Variants in MAMLD1 observed in about 807,000 individuals in gnomAD.
MAMLD1 encodes the protein mastermind-like domain-containing protein 1.
Under a neutral mutation model 45.0 loss-of-function variants are expected in MAMLD1, and 14 were observed. The observed-to-expected ratio is 0.31, with a 90% CI of 0.21 to 0.49. The LOEUF is 0.49. Ranked by LOEUF, MAMLD1 falls within the 20% of genes least tolerant of loss-of-function variation. MAMLD1 has a pLI of 0.99. For synonymous variants in MAMLD1, 254 were observed against 247.8 expected (o/e 1.02, Z -0.24); for missense variants, 543 against 603.6 (o/e 0.90, Z 1.05).
chrX:150,471,104 A>G lies in MAMLD1; in HGVS notation c.1531A>G (p.Ser511Gly), dbSNP rs1557406486. 1 of 1,208,646 alleles carries G rather than the reference A, an allele frequency of 8.3e-7. No individual in the cohort carries two copies. Among genetic ancestry groups the G allele is most frequent in the Non-Finnish European group, 1.1e-6 (1 of 894,891 alleles). Residue 511 changes from serine (S) to glycine (G), a missense_variant, in exon 4 of 8, where the codon AGC becomes GGC. Ser to Gly is a moderately conservative substitution (Grantham distance 56). Coordinates refer to ENST00000370401, the MANE Select transcript of MAMLD1 (RefSeq NM_005491.5). The part of the protein sequence containing the change: ...QQANVIFKPI[S>G]SNSSKTLSMI... ...AGCAAATGTGATCTTTAAGCCCATA[A>G]GCAGCAACTCATCCAAAACCCTGAG... is the stretch of plus-strand genomic sequence containing the variant.
chrX:150,411,547 T>C (rs1187891138), intron 1 of MAMLD1, among the ~76,000 whole-genome samples: 4 of 112,337 alleles, frequency 3.6e-5, no homozygotes, highest in African/African-American at 1.3e-4. Flanking sequence ...GCCTTTGGTA[T>C]GCACAATGCC....
intron 1 of MAMLD1, among the ~76,000 whole-genome samples, chrX:150,434,044 C>G (rs782292123): frequency 9.0e-6 from 1 of 111,311 alleles, no homozygotes; most frequent in South Asian, 3.8e-4. Context: ...GGGCTTTTTT[C>G]TGGTTGGTAG....
intron 1 of MAMLD1, among the ~76,000 whole-genome samples, chrX:150,366,364 C>T (rs1193389743): frequency 8.9e-6 from 1 of 112,048 alleles, no homozygotes; most frequent in Non-Finnish European, 1.9e-5. Context: ...ATCCCAAATG[C>T]GCGCATACAC....
intron 6 of MAMLD1, among the ~76,000 whole-genome samples, chrX:150,508,510 G>C (rs1294206009): frequency 1.8e-5 from 2 of 112,281 alleles, no homozygotes; most frequent in Admixed American, 1.9e-4. Flanking sequence ...GGGCGGGATA[G>C]AAAAGCAAAC....
intron 5 of MAMLD1, among the ~76,000 whole-genome samples, chrX:150,492,418 G>A (rs1305061527): frequency 1.8e-5 from 2 of 112,447 alleles, no homozygotes; most frequent in East Asian, 2.8e-4. Flanking sequence ...CTTCCCTTTC[G>A]TGAAATTTGC....
chrX:150,428,000 G>A (rs1207529639), intron 1 of MAMLD1, among the ~76,000 whole-genome samples: 2 of 111,204 alleles, frequency 1.8e-5, no homozygotes, highest in Non-Finnish European at 1.9e-5. Flanking sequence ...AGGGTCCATG[G>A]TCTGGGAGCT....
intron 1 of MAMLD1, among the ~76,000 whole-genome samples, chrX:150,399,191 C>T (rs782755034): frequency 3.4e-4 from 38 of 111,367 alleles, no homozygotes; most frequent in African/African-American, 1.2e-3. Flanking sequence ...TGGCAGGAGT[C>T]CAGGGAAGAG....
At chrX:150,454,731 A>G (rs781966709) in intron 2 of MAMLD1, among the ~76,000 whole-genome samples, 2 of 110,893 alleles carry the variant, frequency 1.8e-5, no homozygotes, top group Admixed American at 1.9e-4. Flanking sequence ...CATCACCACC[A>G]TCACTATTGC....
intron 2 of MAMLD1, among the ~76,000 whole-genome samples, chrX:150,459,445 A>G (rs1557405500): frequency 9.2e-6 from 1 of 109,204 alleles, no homozygotes; most frequent in Non-Finnish European, 1.9e-5. Flanking sequence ...CCATTGCCCT[A>G]TCATCTGAAT....
At chrX:150,399,718 C>T (rs58260702) in intron 1 of MAMLD1, among the ~76,000 whole-genome samples, 1 of 111,578 alleles carries the variant, frequency 9.0e-6, no homozygotes, top group African/African-American at 3.3e-5. Context: ...GCATGGAGGC[C>T]TCAGAGCCTC....
intron 2 of MAMLD1, 92 bp from the exon 3 acceptor site, chrX:150,462,680 G>A (rs1174570494): frequency 1.6e-6 from 1 of 611,023 alleles, no homozygotes; most frequent in Non-Finnish European, 2.9e-6. Context: ...TCAAGTAACA[G>A]TCTGATCTGT....
chrX:150,403,642 A>G (rs1223607952), intron 1 of MAMLD1, among the ~76,000 whole-genome samples: 1 of 109,717 alleles, frequency 9.1e-6, no homozygotes, highest in African/African-American at 3.3e-5. Flanking sequence ...ATTTGCCAAC[A>G]TGGAAAGATG....
At chrX:150,366,388 A>G (rs1213358532) in intron 1 of MAMLD1, among the ~76,000 whole-genome samples, 1 of 111,936 alleles carries the variant, frequency 8.9e-6, no homozygotes, top group African/African-American at 3.3e-5. Flanking sequence ...TCCCAACTGC[A>G]TCTAAAACCA....
chrX:150,448,757 G>A (rs1384344948), intron 2 of MAMLD1, among the ~76,000 whole-genome samples: 2 of 111,845 alleles, frequency 1.8e-5, no homozygotes, highest in Non-Finnish European at 3.8e-5. Flanking sequence ...AGATCAGTAG[G>A]TCAAAGGATT....
intron 2 of MAMLD1, among the ~76,000 whole-genome samples, chrX:150,452,281 G>T (rs868969530): frequency 3.6e-5 from 4 of 111,996 alleles, no homozygotes; most frequent in African/African-American, 1.3e-4. Context: ...ATTCACATCC[G>T]CAGATGCCAG....
At position 150,512,693 on chromosome X, in the gene MAMLD1, G is replaced by A. The variant is rs1557409260; in HGVS notation, c.*734G>A. ...CACCAAGTTCCTCCAGCAGGGTATG[G>A]CCAGCTTTAGTCCCCTGAGCCCCAT... is the stretch of plus-strand genomic sequence containing the variant. On this transcript the variant is annotated 3_prime_UTR_variant, in exon 8 of 8. Coordinates refer to ENST00000370401, the MANE Select transcript of MAMLD1 (RefSeq NM_005491.5). The A allele has an allele frequency of 2.6e-6, 3 of 1,152,201 alleles. No homozygotes were observed. Among genetic ancestry groups the A allele is most frequent in the Non-Finnish European group, 3.4e-6 (3 of 870,331 alleles). The allele number at this position is 1,152,201 out of a possible 1,213,427, so 95.0% of individuals were successfully genotyped here. A position where few individuals can be genotyped will look rare whatever the true frequency, so the allele number is the denominator to read the frequency against.
At chrX:150,466,330 A>G (rs782380625) in intron 3 of MAMLD1, among the ~76,000 whole-genome samples, 43 of 112,745 alleles carry the variant, frequency 3.8e-4, no homozygotes, top group African/African-American at 1.4e-3. Context: ...CAGCCAGGGC[A>G]CTTCAGGCTC....
At chrX:150,493,873 C>G (rs1377535254) in intron 5 of MAMLD1, among the ~76,000 whole-genome samples, 2 of 112,074 alleles carry the variant, frequency 1.8e-5, no homozygotes, top group Non-Finnish European at 3.8e-5. Context: ...AGAGAAAACA[C>G]AAACCTCATG....
intron 7 of MAMLD1, 123 bp from the exon 8 acceptor site, chrX:150,511,881 A>C: frequency 1.8e-6 from 1 of 549,214 alleles, no homozygotes; most frequent in Non-Finnish European, 2.7e-6. Context: ...GGGGGAGCTC[A>C]GTAGAGAGCC....
Sources: gnomAD v4.1 joint callset for allele counts (sites outside exome capture counted in the v4.1 genomes callset) on GRCh38, gnomAD v4.1.1 for gene constraint, MANE v1.5 for transcripts, NCBI Gene and HGNC (gene_info 2026-07-23, HGNC 2026-07-21) for gene names.